Variants in TESC observed in about 807,000 individuals in gnomAD.
TESC encodes calcineurin B homologous protein 3.
TESC carries 19 observed loss-of-function variants against 31.0 expected under a neutral mutation model. The ratio of observed to expected loss-of-function variants is 0.61; its 90% confidence interval spans 0.43 to 0.90. TESC has a LOEUF of 0.90. TESC is among the 40% of genes least tolerant of loss of function. The probability of loss-of-function intolerance (pLI) is 0.00; values close to 1 mark genes in which losing one functional copy is unlikely to be tolerated. For synonymous variants in TESC, 109 were observed against 114.8 expected (o/e 0.95, Z 0.32); for missense variants, 248 against 303.8 (o/e 0.82, Z 1.36).
chr12:117,099,383 G>T lies in TESC; in HGVS notation c.-101C>A. The T allele has an allele frequency of 1.7e-6, 2 of 1,194,570 alleles. No individual in the cohort carries two copies. Among genetic ancestry groups the T allele is most frequent in the South Asian group, 2.5e-5 (1 of 39,644 alleles). 74.0% of individuals were successfully genotyped at this position (1,194,570 alleles called of 1,614,324 possible). A position where few individuals can be genotyped will look rare whatever the true frequency, so the allele number is the denominator to read the frequency against. On this transcript the variant is annotated 5_prime_UTR_variant, in exon 1 of 8. Coordinates refer to ENST00000335209, the MANE Select transcript of TESC (RefSeq NM_017899.4). ...CTGGCCTCGGGTCCGGCCTCGGGTC[G>T]GGACGCCGGCGAAGGCTCGGAGCCG...
intron 7 of TESC, 91 bp from the exon 8 acceptor site, chr12:117,039,301 G>T: frequency 8.2e-7 from 1 of 1,215,910 alleles, no homozygotes; most frequent in Non-Finnish European, 1.2e-6. Flanking sequence ...CCCACCTACC[G>T]TCTCCTGCCA....
At chr12:117,054,780 C>A (rs1186239493) in intron 3 of TESC, among the ~76,000 whole-genome samples, 1 of 152,184 alleles carries the variant, frequency 6.6e-6, no homozygotes, top group East Asian at 1.9e-4. Context: ...GGTCTCATCA[C>A]CACACCACGC....
intron 2 of TESC, among the ~76,000 whole-genome samples, chr12:117,071,752 C>T (rs1266366805): frequency 1.3e-5 from 2 of 152,150 alleles, no homozygotes; most frequent in Non-Finnish European, 2.9e-5. Flanking sequence ...CATTTCTAAG[C>T]TGAGCCTGGG....
At chr12:117,049,276 C>T (rs1954613138) in intron 3 of TESC, 118 bp from the exon 4 acceptor site, 1 of 1,428,526 alleles carries the variant, frequency 7.0e-7, no homozygotes, top group African/African-American at 1.4e-5. Flanking sequence ...ACGATGGCTG[C>T]TCTCGCCTTG....
At chr12:117,039,687 C>T (rs1592986700) in intron 7 of TESC, among the ~76,000 whole-genome samples, 1 of 152,164 alleles carries the variant, frequency 6.6e-6, no homozygotes, top group Non-Finnish European at 1.5e-5. Context: ...GCTAGGCCAT[C>T]GTCATCAATT....
At chr12:117,061,201 G>C (rs923833019) in intron 2 of TESC, among the ~76,000 whole-genome samples, 1 of 152,206 alleles carries the variant, frequency 6.6e-6, no homozygotes, top group African/African-American at 2.4e-5. Flanking sequence ...CACCTTGCAG[G>C]ATGGGGACCC....
intron 2 of TESC, among the ~76,000 whole-genome samples, chr12:117,057,472 T>C (rs367646700): frequency 1.8e-4 from 27 of 152,298 alleles, no homozygotes; most frequent in African/African-American, 6.0e-4. Flanking sequence ...GTGGGATTTG[T>C]GTCCATTCTG....
Position 117,047,113 on chromosome 12 carries a change from C to T in TESC, c.350-275G>A, listed in dbSNP as rs75431677. 3.2e-3 allele frequency among the ~76,000 whole-genome samples: 481 copies of T among 152,346 alleles called. 2 individuals carry two copies. The highest frequency in any genetic ancestry group is 0.011 in the African/African-American group (468 of 41,584). ...TGGCCTTAGGAGGGCTGGGAGCTAG[C>T]GCTGTGGCGTTAGGGCCTGGCAACT... On this transcript the variant is annotated intron_variant, in intron 4 of 7. Transcript: ENST00000335209.
intron 2 of TESC, among the ~76,000 whole-genome samples, chr12:117,071,554 C>T (rs185916217): frequency 6.6e-6 from 1 of 152,174 alleles, no homozygotes; most frequent in African/African-American, 2.4e-5. Flanking sequence ...ACAAAGATGA[C>T]GTTGATGGCA....
intron 2 of TESC, among the ~76,000 whole-genome samples, chr12:117,060,022 G>C (rs117921685): frequency 1.3e-5 from 2 of 152,172 alleles, no homozygotes; most frequent in Non-Finnish European, 2.9e-5. Flanking sequence ...AATGCAGGGA[G>C]ACAAAGTGGA....
chr12:117,063,386 A>G (rs889664976), intron 2 of TESC, among the ~76,000 whole-genome samples: 1 of 152,132 alleles, frequency 6.6e-6, no homozygotes, highest in African/African-American at 2.4e-5. Context: ...ACCCAGGAAG[A>G]GGGCAGGACA....
In TESC at chr12:117,055,433, G is replaced by A. The variant is rs1463320224; in HGVS notation, c.209+1373C>T. Among the ~76,000 whole-genome samples the A allele has an allele frequency of 3.3e-5, 5 of 152,086 alleles. No homozygotes were observed. The South Asian group carries it at 6.2e-4, about 19-fold the overall frequency. Reference sequence around the variant, plus strand: ...GCTGGGATTACAGTTGTGAGCCGCCGCACCTGACCGATTATCTCCATTTTA... The same window carrying A: ...GCTGGGATTACAGTTGTGAGCCGCCACACCTGACCGATTATCTCCATTTTA... On this transcript the variant is annotated intron_variant, in intron 3 of 7. Coordinates refer to ENST00000335209, the MANE Select transcript of TESC (RefSeq NM_017899.4).
At chr12:117,089,616 A>AT (rs1264924817) in intron 1 of TESC, among the ~76,000 whole-genome samples, 4 of 152,194 alleles carry the variant, frequency 2.6e-5, no homozygotes, top group Non-Finnish European at 4.4e-5. Context: ...AGTCATTGCA[A>AT]TTTTTTGAAA....
At chr12:117,075,946 T>C (rs1462084991) in intron 1 of TESC, among the ~76,000 whole-genome samples, 1 of 115,174 alleles carries the variant, frequency 8.7e-6, no homozygotes, top group East Asian at 2.2e-4. Context: ...TATATGTATA[T>C]ATACATATAT....
intron 3 of TESC, among the ~76,000 whole-genome samples, chr12:117,054,554 G>C (rs1331032531): frequency 6.6e-6 from 1 of 152,048 alleles, no homozygotes; most frequent in Non-Finnish European, 1.5e-5. Context: ...TTTAACTCTT[G>C]GTCACTCTCT....
At chr12:117,045,838 G>T (rs1051767425) in intron 6 of TESC, among the ~76,000 whole-genome samples, 3 of 152,218 alleles carry the variant, frequency 2.0e-5, no homozygotes, top group Non-Finnish European at 4.4e-5. Context: ...CGACACCCAG[G>T]TGGTCACCTG....
intron 1 of TESC, among the ~76,000 whole-genome samples, chr12:117,086,038 A>G (rs1296392557): frequency 1.3e-5 from 2 of 152,206 alleles, no homozygotes; most frequent in Non-Finnish European, 2.9e-5. Context: ...CTAGATATAC[A>G]AGGCCAGCCT....
chr12:117,061,193 C>G (rs10850751), intron 2 of TESC, among the ~76,000 whole-genome samples: 68,615 of 152,120 alleles, frequency 0.45, 17,966 homozygotes, highest in African/African-American at 0.73. Context: ...ACAGATGGCA[C>G]CTTGCAGGAT....
At chr12:117,058,610 C>T (rs1409777584) in intron 2 of TESC, among the ~76,000 whole-genome samples, 1 of 149,734 alleles carries the variant, frequency 6.7e-6, no homozygotes, top group Non-Finnish European at 1.5e-5. Context: ...TGGCATGCGC[C>T]TGTAGTCCCA....
Sources: allele counts gnomAD v4.1 joint callset (sites outside exome capture counted in the v4.1 genomes callset), GRCh38; gene constraint gnomAD v4.1.1; transcripts MANE v1.5; gene names NCBI Gene and HGNC (gene_info 2026-07-23, HGNC 2026-07-21).